MAGT1: variants seen among roughly 807,000 people sequenced by gnomAD.
MAGT1 encodes magnesium transporter 1.
A neutral mutation model predicts 28.4 loss-of-function variants in MAGT1; 4 were observed. The observed-to-expected ratio is 0.14, with a 90% CI of 0.07 to 0.32. The LOEUF (loss-of-function observed/expected upper bound fraction) is 0.32. Ranked by LOEUF, MAGT1 falls within the 10% of genes least tolerant of loss-of-function variation. The pLI is 1.00. For synonymous variants in MAGT1, 89 were observed against 89.7 expected, an observed-to-expected ratio of 0.99 and a Z score of 0.04; for missense variants, 193 against 264.5, an observed-to-expected ratio of 0.73 and a Z score of 1.88.
At chrX:77,840,731 C>A (rs782491583) in intron 8 of MAGT1, among the ~76,000 whole-genome samples, 1 of 111,055 alleles carries the variant, frequency 9.0e-6, no homozygotes, top group Non-Finnish European at 1.9e-5. Flanking sequence ...GTAGTCCCAG[C>A]TACTAGGGAA....
intron 1 of MAGT1, among the ~76,000 whole-genome samples, chrX:77,881,701 T>C (rs2077053269): frequency 9.0e-6 from 1 of 111,156 alleles, no homozygotes; most frequent in Admixed American, 9.7e-5. Flanking sequence ...TCTTTGCTAT[T>C]GTGAGTAGTG....
At chrX:77,852,260 A>G (rs185855418) in intron 7 of MAGT1, among the ~76,000 whole-genome samples, 1 of 112,519 alleles carries the variant, frequency 8.9e-6, no homozygotes, top group African/African-American at 3.2e-5. Flanking sequence ...TCAGCCCACC[A>G]TTTCATGGTT....
intron 7 of MAGT1, among the ~76,000 whole-genome samples, chrX:77,842,265 A>G (rs1569547889): frequency 9.2e-6 from 1 of 108,833 alleles, no homozygotes; most frequent in Non-Finnish European, 1.9e-5. Context: ...CTGGTGGCAC[A>G]TACCTGTAGT....
rs1466271714 is a variant in MAGT1 at position 77,830,248 on chromosome X, G to T, written c.992+557C>A. ...GAGGTGAAATGATGGCTTGAGCTCA[G>T]GAGTTCAAGGTTACAATGAGCTATG... On this transcript the variant is annotated intron_variant, in intron 9 of 9. Transcript: ENST00000618282. 2.7e-5 allele frequency among the ~76,000 whole-genome samples: 3 copies of T among 112,125 alleles called. No individual in the cohort carries two copies. The Admixed American group carries it at 2.9e-4, about 11-fold the overall frequency.
chrX:77,862,363 T>C (rs1446318941), intron 3 of MAGT1, among the ~76,000 whole-genome samples: 1 of 111,558 alleles, frequency 9.0e-6, no homozygotes, highest in African/African-American at 3.3e-5. Context: ...AATGGGACTA[T>C]ATTAAGCTAA....
At chrX:77,872,606 A>T (rs1461093504) in intron 2 of MAGT1, among the ~76,000 whole-genome samples, 2 of 111,703 alleles carry the variant, frequency 1.8e-5, no homozygotes, top group African/African-American at 6.5e-5. Flanking sequence ...TGTGTACATC[A>T]TGCTTCTAAC....
chrX:77,857,038 A>T (rs782243228), intron 4 of MAGT1, among the ~76,000 whole-genome samples, 165 bp from the exon 5 acceptor site: 1 of 112,005 alleles, frequency 8.9e-6, no homozygotes, highest in African/African-American at 3.2e-5. Flanking sequence ...ATATAACCTA[A>T]AATAGGATAG....
chrX:77,895,479 G>A (rs782231606), upstream of MAGT1: 3 of 1,180,529 alleles, frequency 2.5e-6, no homozygotes, highest in Admixed American at 2.4e-5. Flanking sequence ...CGTGAGAACA[G>A]GCAAATCGGC....
intron 8 of MAGT1, among the ~76,000 whole-genome samples, chrX:77,832,605 T>A (rs1283375431): frequency 9.2e-6 from 1 of 109,188 alleles, no homozygotes; most frequent in East Asian, 2.9e-4. Context: ...CCAAGGCGGG[T>A]GGATCACGAG....
chrX:77,856,634 GAAATA>G, intron 5 of MAGT1, 94 bp downstream of exon 5: 1 of 812,521 alleles, frequency 1.2e-6, no homozygotes, highest in Non-Finnish European at 1.8e-6. Context: ...CCTCAGGTAA[GAAATA>G]AAATGCTACT....
At chrX:77,838,706 C>T (rs1371943378) in intron 8 of MAGT1, among the ~76,000 whole-genome samples, 1 of 102,762 alleles carries the variant, frequency 9.7e-6, no homozygotes, top group African/African-American at 3.6e-5. Context: ...TGCAGTAAGC[C>T]AAGATCACAC....
At chrX:77,891,380 T>C (rs1277869531) in intron 1 of MAGT1, among the ~76,000 whole-genome samples, 1 of 108,996 alleles carries the variant, frequency 9.2e-6, no homozygotes, top group African/African-American at 3.3e-5. Flanking sequence ...GAGATGAGTC[T>C]GGCTATGTTG....
At chrX:77,848,371 G>T (rs1001213315) in intron 7 of MAGT1, among the ~76,000 whole-genome samples, 1 of 112,352 alleles carries the variant, frequency 8.9e-6, no homozygotes, top group Non-Finnish European at 1.9e-5. Flanking sequence ...GCTAGTAGAA[G>T]GCCAGGCGTG....
chrX:77,844,724 G>C (rs2076945643), intron 7 of MAGT1, among the ~76,000 whole-genome samples: 2 of 111,591 alleles, frequency 1.8e-5, no homozygotes, highest in Admixed American at 1.9e-4. Context: ...TCAGGAGCAG[G>C]CTGTTCAGTT....
Position 77,830,294 on chromosome X carries a change from C to G in MAGT1, c.992+511G>C, listed in dbSNP as rs782203187. Among the ~76,000 whole-genome samples the G allele has an allele frequency of 7.1e-5, 8 of 112,074 alleles. No homozygotes were observed. The South Asian group carries it at 2.6e-3, about 36-fold the overall frequency. ...CTATGAACACGCCATTACACTTCAG[C>G]CTGAGTGACAGAGTGAGACCCTGTC... On this transcript the variant is annotated intron_variant, in intron 9 of 9. Coordinates refer to ENST00000618282, the MANE Select transcript of MAGT1 (RefSeq NM_001367916.1).
At chrX:77,837,932 G>A (rs1016116840) in intron 8 of MAGT1, among the ~76,000 whole-genome samples, 7 of 110,816 alleles carry the variant, frequency 6.3e-5, no homozygotes, top group Non-Finnish European at 1.3e-4. Flanking sequence ...TAGAGACGGG[G>A]TTTCGCCATG....
intron 8 of MAGT1, among the ~76,000 whole-genome samples, chrX:77,833,885 A>G (rs1382876222): frequency 9.0e-5 from 10 of 111,276 alleles, no homozygotes; most frequent in Non-Finnish European, 9.4e-5. Context: ...AAATTATACT[A>G]TAGAGTTATA....
chrX:77,877,472 C>G (rs1557217963), intron 1 of MAGT1, among the ~76,000 whole-genome samples: 1 of 107,961 alleles, frequency 9.3e-6, no homozygotes, highest in African/African-American at 3.4e-5. Flanking sequence ...GCTTGGGTGA[C>G]ACAGCGAGAC....
intron 8 of MAGT1, among the ~76,000 whole-genome samples, chrX:77,831,471 C>T (rs1167463496): frequency 8.9e-6 from 1 of 111,827 alleles, no homozygotes; most frequent in Non-Finnish European, 1.9e-5. Flanking sequence ...AACTCCTTTA[C>T]ATAATTATGC....
Sources: allele counts gnomAD v4.1 joint callset (sites outside exome capture counted in the v4.1 genomes callset), GRCh38; gene constraint gnomAD v4.1.1; transcripts MANE v1.5; gene names NCBI Gene and HGNC (gene_info 2026-07-23, HGNC 2026-07-21).